The following TAS1R3 variants were observed in gnomAD, a reference collection of about 807,000 sequenced individuals.
TAS1R3 encodes taste 1 receptor member 3.
A neutral mutation model predicts 46.1 loss-of-function variants in TAS1R3; 58 were observed. That is an observed-to-expected ratio of 1.26 (90% confidence interval 1.02 to 1.57). The LOEUF (loss-of-function observed/expected upper bound fraction) is 1.57. Ranked by LOEUF, TAS1R3 falls within the 40% of genes most tolerant of loss-of-function variation. The probability of loss-of-function intolerance (pLI) is 0.00; values close to 1 mark genes in which losing one functional copy is unlikely to be tolerated. For missense variants in TAS1R3, 1,422 were observed against 1,185.8 expected (o/e 1.20, Z -2.93); for synonymous variants, 724 against 544.7 (o/e 1.33, Z -4.58).
chr1:1,333,982 G>A lies in TAS1R3; in HGVS notation c.2077G>A (p.Val693Ile), dbSNP rs1199550069. The A allele has an allele frequency of 2.5e-6, 4 of 1,599,960 alleles. No individual in the cohort carries two copies. The highest frequency in any genetic ancestry group is 2.5e-6 in the Non-Finnish European group (3 of 1,179,748). ...GGTGCTGCTGGCCATGCTGGTGGAG[G>A]TCGCACTGTGCACCTGGTACCTGGT... ...LVVLLAMLVE[V>I]ALCTWYLVAF... The change falls in exon 6 of 6, where the codon GTC (valine) becomes ATC (isoleucine). Residue 693 changes from valine to isoleucine, a missense_variant. Coordinates refer to ENST00000339381, the MANE Select transcript of TAS1R3 (RefSeq NM_152228.3).
In TAS1R3 at chr1:1,333,132, G is replaced by A. The variant is rs763268005; in HGVS notation, c.1479+8G>A. ...CACACGTCTGACAACCAGGTGAGGT[G>A]AGGGTGGGTGTGCCAGGCGTGCCCG... On this transcript the variant is annotated splice_region_variant and intron_variant, in intron 4 of 5. Transcript: ENST00000339381. 7 of 1,608,958 alleles carry A rather than the reference G, an allele frequency of 4.4e-6. No homozygotes were observed. The highest frequency in any genetic ancestry group is 1.6e-4 in the Middle Eastern group (1 of 6,078).
rs141275308 is a variant in TAS1R3, at chr1:1,334,153, C to A, written c.2248C>A (p.Leu750Met). Reference protein sequence around the residue: ...LAFLCFLGTFLVRSQPGCYNR... With the variant: ...LAFLCFLGTFMVRSQPGCYNR... ...CTTTCTCTGCTTCCTGGGCACTTTC[C>A]TGGTGCGGAGCCAGCCGGGCTGCTA... Residue 750 changes from leucine (L) to methionine (M), a missense_variant, in exon 6 of 6, where the codon CTG becomes ATG. By Grantham distance (15) the Leu-to-Met change is conservative. Coordinates refer to ENST00000339381, the MANE Select transcript of TAS1R3 (RefSeq NM_152228.3). 10 of 1,584,730 alleles carry A rather than the reference C, an allele frequency of 6.3e-6. No individual in the cohort carries two copies. Among genetic ancestry groups the A allele is most frequent in the Non-Finnish European group, 8.6e-6 (10 of 1,165,460 alleles).
At position 1,333,711 on chromosome 1, in the gene TAS1R3, G is replaced by A. The variant is rs774961909; in HGVS notation, c.1806G>A (p.Ser602=). The A allele has an allele frequency of 2.5e-5, 40 of 1,607,828 alleles. No homozygotes were observed. Among genetic ancestry groups the A allele is most frequent in the African/African-American group, 1.7e-4 (13 of 74,860 alleles). The change falls in exon 6 of 6, where the codon TCG becomes TCA. Residue 602 remains serine, a synonymous_variant. Transcript: ENST00000339381. ...GGGACAGCCCACTGGTTCAGGCCTC[G>A]GGGGGGCCCCTGGCCTGCTTTGGCC... ...HHRDSPLVQA[S]GGPLACFGLV... is the part of the protein sequence containing the mutation.
In TAS1R3 at chr1:1,333,342, T is replaced by C. The variant is rs1475203167; in HGVS notation, c.1563T>C (p.Cys521=). Residue 521 remains cysteine (C), a synonymous_variant, in exon 5 of 6, where the codon TGT becomes TGC. Coordinates refer to ENST00000339381, the MANE Select transcript of TAS1R3 (RefSeq NM_152228.3). Reference sequence around the variant, plus strand: ...GGTTCCACTCCTGCTGCTACGACTGTGTGGACTGCGAGGCGGGCAGCTACC... The same window carrying C: ...GGTTCCACTCCTGCTGCTACGACTGCGTGGACTGCGAGGCGGGCAGCTACC... ...VKGFHSCCYD[C]VDCEAGSYRQ... is the part of the protein sequence containing the mutation. The C allele has an allele frequency of 6.2e-7, 1 of 1,609,586 alleles. No homozygotes were observed. Among genetic ancestry groups the C allele is most frequent in the Non-Finnish European group, 8.5e-7 (1 of 1,178,698 alleles).
At position 1,334,167 on chromosome 1, in the gene TAS1R3, GC is replaced by G; in HGVS notation, c.2264del (p.Pro755ArgfsTer103). On this transcript the variant is annotated frameshift_variant, in exon 6 of 6. Transcript: ENST00000339381. LOFTEE classifies it low-confidence loss of function (END_TRUNC). Reference sequence around the variant, plus strand: ...TGGGCACTTTCCTGGTGCGGAGCCAGCCGGGCTGCTACAACCGTGCCCGTGG... The same window carrying G: ...TGGGCACTTTCCTGGTGCGGAGCCAGCGGGCTGCTACAACCGTGCCCGTGG... ...FLGTFLVRSQ[P>X]GCYNRARGLT... is the part of the protein sequence containing the mutation. 6.3e-7 allele frequency: 1 copy of G among 1,590,252 alleles called. No individual in the cohort carries two copies. Among genetic ancestry groups the G allele is most frequent in the African/African-American group, 1.3e-5 (1 of 74,612 alleles).
At position 1,332,775 on chromosome 1, in the gene TAS1R3, G is replaced by C; in HGVS notation, c.1244G>C (p.Cys415Ser). Residue 415 changes from cysteine to serine, a missense_variant, in exon 3 of 6, where the codon TGC (cysteine) becomes TCC (serine). By Grantham distance (112) the Cys-to-Ser change is moderately radical. Transcript: ENST00000339381. The part of the protein sequence containing the change: ...HNTLQCNASG[C>S]PAQDPVKPWQ... ...ACTCTTCAGTGCAACGCCTCAGGCTGCCCCGCGCAGGACCCCGTGAAGCCC... is the reference window on the plus strand; with the variant it reads ...ACTCTTCAGTGCAACGCCTCAGGCTCCCCCGCGCAGGACCCCGTGAAGCCC... 1 of 1,606,188 alleles carries C rather than the reference G, an allele frequency of 6.2e-7. No individual in the cohort carries two copies. The highest frequency in any genetic ancestry group is 8.5e-7 in the Non-Finnish European group (1 of 1,179,196).
chr1:1,332,593 G>C lies in TAS1R3; in HGVS notation c.1062G>C (p.Leu354=). The change falls in exon 3 of 6, where the codon CTG becomes CTC. Residue 354 remains leucine (L), a synonymous_variant. Transcript: ENST00000339381. The part of the protein sequence containing the change: ...LATDPAFCSA[L]GEREQGLEED... Reference sequence around the variant, plus strand: ...CCGACCCGGCCTTCTGCTCTGCCCTGGGCGAGAGGGAGCAGGGTCTGGAGG... The same window carrying C: ...CCGACCCGGCCTTCTGCTCTGCCCTCGGCGAGAGGGAGCAGGGTCTGGAGG... The C allele has an allele frequency of 6.2e-7, 1 of 1,611,392 alleles. No homozygotes were observed. The highest frequency in any genetic ancestry group is 8.5e-7 in the Non-Finnish European group (1 of 1,179,944).
At position 1,333,748 on chromosome 1, in the gene TAS1R3, G is replaced by A. The variant is rs746558218; in HGVS notation, c.1843G>A (p.Gly615Ser). 1.9e-6 allele frequency: 3 copies of A among 1,600,880 alleles called. No individual in the cohort carries two copies. Among genetic ancestry groups the A allele is most frequent in the East Asian group, 4.5e-5 (2 of 44,632 alleles). ...GGCCTGCTTTGGCCTGGTGTGCCTGGGCCTGGTCTGCCTCAGCGTCCTCCT... is the reference window on the plus strand; with the variant it reads ...GGCCTGCTTTGGCCTGGTGTGCCTGAGCCTGGTCTGCCTCAGCGTCCTCCT... Reference protein sequence around the residue: ...PLACFGLVCLGLVCLSVLLFP... With the variant: ...PLACFGLVCLSLVCLSVLLFP... Residue 615 changes from glycine (G) to serine (S), a missense_variant, in exon 6 of 6, where the codon GGC becomes AGC. Physicochemically the swap from Gly to Ser is moderately conservative, Grantham distance 56 (BLOSUM62 0). Transcript: ENST00000339381.
rs373037624 is a variant in TAS1R3 at position 1,332,233 on chromosome 1, C to T, written c.702C>T (p.Gly234=). 1.1e-5 allele frequency: 18 copies of T among 1,593,990 alleles called. 1 individual carries two copies. The South Asian group carries it at 1.8e-4, about 16-fold the overall frequency. ...TCTCGGCCCTGGCCGCGGCACGCGG[C>T]ATCTGCATCGCGCACGAGGGCCTGG... is the stretch of plus-strand genomic sequence containing the variant. ...SIFSALAAAR[G]ICIAHEGLVP... The change falls in exon 3 of 6, where the codon GGC becomes GGT. Residue 234 remains glycine (G), a synonymous_variant. Coordinates refer to ENST00000339381, the MANE Select transcript of TAS1R3 (RefSeq NM_152228.3).
In TAS1R3 at chr1:1,331,363, C is replaced by T; in HGVS notation, c.18C>T (p.Val6=). Reference sequence around the variant, plus strand: ...CCTCTGCCATGCTGGGCCCTGCTGTCCTGGGCCTCAGCCTCTGGGCTCTCC... The same window carrying T: ...CCTCTGCCATGCTGGGCCCTGCTGTTCTGGGCCTCAGCCTCTGGGCTCTCC... MLGPA[V]LGLSLWALLH... Residue 6 remains valine, a synonymous_variant, in exon 1 of 6, where the codon GTC becomes GTT. Coordinates refer to ENST00000339381, the MANE Select transcript of TAS1R3 (RefSeq NM_152228.3). The T allele has an allele frequency of 6.3e-7, 1 of 1,596,050 alleles. No individual in the cohort carries two copies. Among genetic ancestry groups the T allele is most frequent in the Non-Finnish European group, 8.5e-7 (1 of 1,172,228 alleles).
rs373399503 is a variant in TAS1R3, at chr1:1,332,061, G to T, written c.530G>T (p.Arg177Leu). The T allele has an allele frequency of 1.3e-6, 2 of 1,559,492 alleles. No individual in the cohort carries two copies. The highest frequency in any genetic ancestry group is 1.7e-6 in the Non-Finnish European group (2 of 1,152,256). Residue 177 changes from arginine (R) to leucine (L), a missense_variant, in exon 3 of 6, where the codon CGG becomes CTG. By Grantham distance (102) the Arg-to-Leu change is moderately radical. Transcript: ENST00000339381. The stretch of plus-strand genomic sequence containing the variant: ...GCTAGCATGGAGCTGCTGAGCGCCC[G>T]GGAGACCTTCCCCTCCTTCTTCCGC... ...YGASMELLSA[R>L]ETFPSFFRTV...
Position 1,334,788 on chromosome 1 carries a change from C to T in TAS1R3, c.*324C>T, listed in dbSNP as rs980231396. The T allele has an allele frequency of 4.0e-5, 11 of 274,626 alleles. No individual in the cohort carries two copies. Among genetic ancestry groups the T allele is most frequent in the East Asian group, 7.0e-5 (1 of 14,322 alleles). The allele number at this position is 274,626 out of a possible 1,614,324, so 17.0% of individuals were successfully genotyped here. On this transcript the variant is annotated 3_prime_UTR_variant, in exon 6 of 6. Coordinates refer to ENST00000339381, the MANE Select transcript of TAS1R3 (RefSeq NM_152228.3). ...CCACACCGTGAGCTCAGGAAAAGGACGCAGGGAGGCCCCGGCCAGATGGCT... is the reference window on the plus strand; with the variant it reads ...CCACACCGTGAGCTCAGGAAAAGGATGCAGGGAGGCCCCGGCCAGATGGCT...
Position 1,334,274 on chromosome 1 carries a change from G to A in TAS1R3, c.2369G>A (p.Arg790Lys), listed in dbSNP as rs1401231512. 1.9e-6 allele frequency: 3 copies of A among 1,611,926 alleles called. No individual in the cohort carries two copies. Among genetic ancestry groups the A allele is most frequent in the Non-Finnish European group, 2.5e-6 (3 of 1,179,362 alleles). The change falls in exon 6 of 6, where the codon AGG becomes AAG. Residue 790 changes from arginine (R) to lysine (K), a missense_variant. Arg to Lys is a conservative substitution (Grantham distance 26, BLOSUM62 2). Transcript: ENST00000339381. The part of the protein sequence containing the change: ...PLLANVQVVL[R>K]PAVQMGALLL... ...CTGGCCAATGTGCAGGTGGTCCTCA[G>A]GCCCGCCGTGCAGATGGGCGCCCTC...
rs750028001 is a variant in TAS1R3, at chr1:1,332,716, A to C, written c.1185A>C (p.Ala395=). 2.5e-6 allele frequency: 4 copies of C among 1,604,174 alleles called. No individual in the cohort carries two copies. In the Admixed American group the frequency reaches 6.7e-5, roughly 27 times the overall value. Residue 395 remains alanine (A), a synonymous_variant, in exon 3 of 6, where the codon GCA becomes GCC. Transcript: ENST00000339381. ...LNHHQTFSVY[A]AVYSVAQALH... The stretch of plus-strand genomic sequence containing the variant: ...ACCACCAGACGTTCTCTGTCTACGC[A>C]GCTGTGTATAGCGTGGCCCAGGCCC...
In TAS1R3 at chr1:1,333,548, C is replaced by CGGGG. The variant is rs1296005233; in HGVS notation, c.1645_1646insGGGG (p.Glu549GlyfsTer295). ...TTTTGTGGCCAGGATGAGTGGTCCC[C>CGGGG]GGAGCGAAGCACACGCTGCTTCCGC... On this transcript the variant is annotated frameshift_variant, in exon 6 of 6. Transcript: ENST00000339381. LOFTEE classifies it low-confidence loss of function (END_TRUNC). 1.2e-6 allele frequency: 2 copies of CGGGG among 1,603,478 alleles called. No homozygotes were observed. The highest frequency in any genetic ancestry group is 1.7e-6 in the Non-Finnish European group (2 of 1,179,836).
intron 3 of TAS1R3, 56 bp from the exon 4 acceptor site, chr1:1,332,865 G>A (rs1416635387): frequency 8.8e-6 from 14 of 1,586,896 alleles, no homozygotes; most frequent in Non-Finnish European, 1.2e-5. Context: ...ACCAGGCACG[G>A]CCACCACGCC....
At position 1,333,261 on chromosome 1, in the gene TAS1R3, G is replaced by T; in HGVS notation, c.1482G>T (p.Lys494Asn). ...KIRWHTSDNQ[K>N]PVSRCSRQCQ... ...CCAGACCCCAGGCCTGTGCGCAGAA[G>T]CCCGTGTCCCGGTGCTCGCGGCAGT... The change falls in exon 5 of 6, where the codon AAG (lysine) becomes AAT (asparagine). Residue 494 changes from lysine to asparagine, a missense_variant and splice_region_variant. Transcript: ENST00000339381. 6.3e-7 allele frequency: 1 copy of T among 1,599,114 alleles called. No homozygotes were observed.
chr1:1,331,958 A>AAAACCCCC lies in TAS1R3; in HGVS notation c.492+20_492+21insAAACCCCC. ...CCCCAGGTGGGCGCCCCCCACCATC[A>AAAACCCCC]CCCACCCCCACCCAGCCCTGCCCGT... On this transcript the variant is annotated intron_variant, in intron 2 of 5. Transcript: ENST00000339381. 10 of 1,539,020 alleles carry AAAACCCCC rather than the reference A, an allele frequency of 6.5e-6. No homozygotes were observed. Among genetic ancestry groups the AAAACCCCC allele is most frequent in the South Asian group, 1.1e-5 (1 of 89,296 alleles).
Position 1,331,938 on chromosome 1 carries a change from G to C in TAS1R3, c.492G>C (p.Gln164His), listed in dbSNP as rs755625164. The change falls in exon 2 of 6, where the codon CAG (glutamine) becomes CAC (histidine). Residue 164 changes from glutamine to histidine, a missense_variant and splice_region_variant. Physicochemically the swap from Gln to His is conservative, Grantham distance 24 (BLOSUM62 0). Coordinates refer to ENST00000339381, the MANE Select transcript of TAS1R3 (RefSeq NM_152228.3). Reference sequence around the variant, plus strand: ...TCTTCAGCTTCTTCCTCATGCCCCAGGTGGGCGCCCCCCACCATCACCCAC... The same window carrying C: ...TCTTCAGCTTCTTCCTCATGCCCCACGTGGGCGCCCCCCACCATCACCCAC... ...GKFFSFFLMP[Q>H]VSYGASMELL... 1.2e-5 allele frequency: 20 copies of C among 1,602,934 alleles called. No homozygotes were observed. In the South Asian group the frequency reaches 1.8e-4, roughly 14 times the overall value.
Sources: allele counts gnomAD v4.1 joint callset, GRCh38; gene constraint gnomAD v4.1.1; transcripts MANE v1.5; gene names NCBI Gene and HGNC (gene_info 2026-07-23, HGNC 2026-07-21).